HSD17B3: variants seen among roughly 807,000 people sequenced by gnomAD.
The protein encoded by HSD17B3 is hydroxysteroid 17-beta dehydrogenase 3.
In HSD17B3, 29 loss-of-function variants were observed where a neutral mutation model predicts 41.1. The observed-to-expected ratio is 0.71, with a 90% CI of 0.53 to 0.96. HSD17B3 has a LOEUF of 0.96. HSD17B3 is among the 40% of genes least tolerant of loss of function. The pLI is 0.00. For missense variants in HSD17B3, 323 were observed against 374.6 expected (o/e 0.86, Z 1.14); for synonymous variants, 126 against 145.6 (o/e 0.87, Z 0.97).
Position 96,276,778 on chromosome 9 carries a change from G to C in HSD17B3, c.201+21638C>G, listed in dbSNP as rs114147952. On this transcript the variant is annotated intron_variant, in intron 2 of 10. Coordinates refer to ENST00000375263, the MANE Select transcript of HSD17B3 (RefSeq NM_000197.2). ...CCCCAAAGGGATTAAAGACTTAAAT[G>C]CAACCTCTAAAGCCATAAGATTATT... 1.6e-3 allele frequency among the ~76,000 whole-genome samples: 239 copies of C among 152,276 alleles called. 1 individual carries two copies. The highest frequency in any genetic ancestry group is 5.5e-3 in the African/African-American group (228 of 41,548).
At chr9:96,267,821 C>A (rs1826095658) in intron 2 of HSD17B3, among the ~76,000 whole-genome samples, 2 of 152,092 alleles carry the variant, frequency 1.3e-5, no homozygotes, top group South Asian at 4.2e-4. Flanking sequence ...AAAAAAGAGA[C>A]CAAGCAGACA....
intron 2 of HSD17B3, among the ~76,000 whole-genome samples, chr9:96,292,443 T>C (rs1281714624): frequency 1.3e-5 from 2 of 152,204 alleles, no homozygotes; most frequent in African/African-American, 4.8e-5. Context: ...CTTTGCCTCC[T>C]GGATTCAAGC....
At chr9:96,259,170 G>A (rs1013074628) in intron 2 of HSD17B3, among the ~76,000 whole-genome samples, 1 of 152,174 alleles carries the variant, frequency 6.6e-6, no homozygotes, top group African/African-American at 2.4e-5. Context: ...CAGGTGTCAA[G>A]GAGCCTGGCA....
At chr9:96,240,632 T>TCCACC (rs1836400792) in intron 10 of HSD17B3, 126 bp downstream of exon 10, 2 of 990,724 alleles carry the variant, frequency 2.0e-6, no homozygotes, top group East Asian at 4.9e-5. Context: ...CACATAGTCC[T>TCCACC]TGTACCTGGC....
intron 1 of HSD17B3, among the ~76,000 whole-genome samples, chr9:96,299,897 T>C (rs1454690067): frequency 6.6e-6 from 1 of 152,186 alleles, no homozygotes; most frequent in Non-Finnish European, 1.5e-5. Flanking sequence ...TATCTGCCTC[T>C]GCCCAAACAT....
chr9:96,240,171 A>G (rs1308501353), intron 10 of HSD17B3, among the ~76,000 whole-genome samples: 1 of 152,196 alleles, frequency 6.6e-6, no homozygotes, highest in African/African-American at 2.4e-5. Context: ...GCAAACCACC[A>G]TGGCACATGT....
intron 2 of HSD17B3, among the ~76,000 whole-genome samples, chr9:96,272,445 A>ATATATATATC (rs1564048658): frequency 2.0e-5 from 2 of 99,230 alleles, no homozygotes; most frequent in African/African-American, 7.3e-5. Context: ...ATATATATAT[A>ATATATATATC]TAAAATATAT....
intron 6 of HSD17B3, among the ~76,000 whole-genome samples, chr9:96,248,031 T>C (rs1836742814): frequency 6.6e-6 from 1 of 152,242 alleles, no homozygotes; most frequent in South Asian, 2.1e-4. Context: ...TATAATTTTT[T>C]TAAACAAATC....
At position 96,301,934 on chromosome 9, in the gene HSD17B3, A is replaced by C. The variant is rs530025013; in HGVS notation, c.154+17T>G. 1 of 1,613,328 alleles carries C rather than the reference A, an allele frequency of 6.2e-7. No individual in the cohort carries two copies. The highest frequency in any genetic ancestry group is 1.7e-5 in the Admixed American group (1 of 60,000). On this transcript the variant is annotated intron_variant, in intron 1 of 10. Transcript: ENST00000375263. ...AACAACAGCAGCAAAAAAACATGAG[A>C]TGGAACACTCCCTTACCTGCCCACT... is the stretch of plus-strand genomic sequence containing the variant.
At chr9:96,267,303 C>CA (rs1189176035) in intron 2 of HSD17B3, among the ~76,000 whole-genome samples, 3 of 151,912 alleles carry the variant, frequency 2.0e-5, no homozygotes, top group Non-Finnish European at 4.4e-5. Flanking sequence ...ATTACAGACA[C>CA]ATGCCACCAC....
At chr9:96,279,833 G>A (rs549637473) in intron 2 of HSD17B3, among the ~76,000 whole-genome samples, 4 of 151,680 alleles carry the variant, frequency 2.6e-5, no homozygotes, top group East Asian at 1.9e-4. Context: ...GCAGTGGCGC[G>A]ATCTCGGCTC....
At chr9:96,267,647 G>T (rs1826090603) in intron 2 of HSD17B3, among the ~76,000 whole-genome samples, 1 of 151,686 alleles carries the variant, frequency 6.6e-6, no homozygotes, top group African/African-American at 2.4e-5. Context: ...TTGAAAGGAG[G>T]GAAGATACAA....
chr9:96,269,573 G>T (rs1457019197), intron 2 of HSD17B3, among the ~76,000 whole-genome samples: 14 of 152,096 alleles, frequency 9.2e-5, no homozygotes. Flanking sequence ...ATGTCGGCAT[G>T]GATGAACTTC....
intron 2 of HSD17B3, among the ~76,000 whole-genome samples, chr9:96,297,654 T>C (rs938351789): frequency 2.0e-5 from 3 of 152,162 alleles, no homozygotes; most frequent in African/African-American, 4.8e-5. Context: ...GCTGGTGTTA[T>C]TGATTTTTAA....
chr9:96,296,148 C>T (rs1324377819), intron 2 of HSD17B3, among the ~76,000 whole-genome samples: 1 of 152,158 alleles, frequency 6.6e-6, no homozygotes, highest in African/African-American at 2.4e-5. Flanking sequence ...ACTCAGGAGG[C>T]TGAGTGGGAG....
intron 2 of HSD17B3, among the ~76,000 whole-genome samples, chr9:96,293,724 T>C (rs1363457838): frequency 1.3e-5 from 2 of 151,976 alleles, no homozygotes; most frequent in Admixed American, 6.6e-5. Flanking sequence ...CCATGACTAA[T>C]ACATTCTCAA....
At chr9:96,270,080 G>A (rs1213525269) in intron 2 of HSD17B3, among the ~76,000 whole-genome samples, 1 of 152,116 alleles carries the variant, frequency 6.6e-6, no homozygotes, top group Non-Finnish European at 1.5e-5. Context: ...CATGTGTCGG[G>A]GTGAGGGAAG....
chr9:96,239,007 C>T (rs1036370724), intron 10 of HSD17B3, among the ~76,000 whole-genome samples: 1 of 152,240 alleles, frequency 6.6e-6, no homozygotes, highest in Non-Finnish European at 1.5e-5. Context: ...TGGATCAAAG[C>T]TGCAGATGGA....
At chr9:96,289,257 T>G (rs1195678068) in intron 2 of HSD17B3, among the ~76,000 whole-genome samples, 1 of 151,826 alleles carries the variant, frequency 6.6e-6, no homozygotes, top group African/African-American at 2.4e-5. Flanking sequence ...TGGGGGAGAC[T>G]GCGTGTGTGG....
Sources: allele counts gnomAD v4.1 joint callset (sites outside exome capture counted in the v4.1 genomes callset), GRCh38; gene constraint gnomAD v4.1.1; transcripts MANE v1.5; gene names NCBI Gene and HGNC (gene_info 2026-07-23, HGNC 2026-07-21).